CCSER1: variants seen among roughly 807,000 people sequenced by gnomAD.
CCSER1 encodes the protein serine-rich coiled-coil domain-containing protein 1.
Under a neutral mutation model 82.0 loss-of-function variants are expected in CCSER1, and 41 were observed. The observed-to-expected ratio is 0.50, with a 90% CI of 0.39 to 0.65. The LOEUF is 0.65. Ranked by LOEUF, CCSER1 falls within the 30% of genes least tolerant of loss-of-function variation. The pLI is 0.00. For synonymous variants in CCSER1, 414 were observed against 383.9 expected (o/e 1.08, Z -0.92); for missense variants, 1,119 against 1,064.2 (o/e 1.05, Z -0.72).
intron 5 of CCSER1, among the ~76,000 whole-genome samples, chr4:90,538,330 C>T (rs1311091425): frequency 6.6e-6 from 1 of 152,004 alleles, no homozygotes; most frequent in African/African-American, 2.4e-5. Context: ...TAGAATTTAA[C>T]TTTTAATTTA....
At chr4:90,908,801 T>A (rs1020592855) in intron 8 of CCSER1, among the ~76,000 whole-genome samples, 1 of 152,132 alleles carries the variant, frequency 6.6e-6, no homozygotes, top group East Asian at 1.9e-4. Flanking sequence ...ACTGATGTGA[T>A]CCAAATTACA....
intron 9 of CCSER1, among the ~76,000 whole-genome samples, chr4:91,053,068 A>G (rs1050074320): frequency 2.0e-5 from 3 of 152,172 alleles, no homozygotes; most frequent in African/African-American, 7.2e-5. Flanking sequence ...ACTAAACAAA[A>G]TAGTTTTCAA....
intron 10 of CCSER1, among the ~76,000 whole-genome samples, chr4:91,243,579 C>T (rs975510921): frequency 3.3e-4 from 50 of 152,150 alleles, no homozygotes; most frequent in African/African-American, 1.1e-3. Context: ...ACCAGCTCAG[C>T]GGTAGTAGGA....
chr4:91,504,034 A>T (rs1759357897), intron 10 of CCSER1, among the ~76,000 whole-genome samples: 1 of 152,170 alleles, frequency 6.6e-6, no homozygotes, highest in South Asian at 2.1e-4. Flanking sequence ...TTATTTACTT[A>T]TCAATAGAAA....
At chr4:90,538,611 T>A (rs1775719650) in intron 5 of CCSER1, among the ~76,000 whole-genome samples, 1 of 152,144 alleles carries the variant, frequency 6.6e-6, no homozygotes, top group Admixed American at 6.5e-5. Context: ...TTTTGTAGCA[T>A]GATATACTGT....
intron 10 of CCSER1, among the ~76,000 whole-genome samples, chr4:91,393,704 A>C (rs530195346): frequency 2.0e-5 from 3 of 152,056 alleles, no homozygotes; most frequent in African/African-American, 7.2e-5. Flanking sequence ...TGCTGTATCT[A>C]ATTTCTTTTT....
chr4:90,646,019 T>C (rs764858200), intron 6 of CCSER1, among the ~76,000 whole-genome samples: 4 of 152,290 alleles, frequency 2.6e-5, no homozygotes, highest in Non-Finnish European at 4.4e-5. Context: ...GTCAAAGTTA[T>C]ATTTCTTTTT....
chr4:90,742,662 A>G (rs1035982586), intron 7 of CCSER1, among the ~76,000 whole-genome samples: 1 of 152,144 alleles, frequency 6.6e-6, no homozygotes, highest in Non-Finnish European at 1.5e-5. Flanking sequence ...CACCCAGTTA[A>G]TGGTACCATG....
intron 9 of CCSER1, among the ~76,000 whole-genome samples, chr4:90,980,670 G>A (rs1736030351): frequency 6.6e-6 from 1 of 151,640 alleles, no homozygotes; most frequent in African/African-American, 2.4e-5. Flanking sequence ...GATGAAGGGA[G>A]TGTGGCAGGG....
chr4:91,017,811 TTGTGTGTGTGTGTGTGTG>T (rs34719158), intron 9 of CCSER1, among the ~76,000 whole-genome samples: 1 of 144,010 alleles, frequency 6.9e-6, no homozygotes, highest in South Asian at 2.2e-4. Flanking sequence ...GGTTTTTAAA[TTGTGTGTGTGTGTGTGTG>T]TGTGTGTGTG....
chr4:91,414,559 A>T (rs1753242141), intron 10 of CCSER1, among the ~76,000 whole-genome samples: 1 of 152,158 alleles, frequency 6.6e-6, no homozygotes, highest in South Asian at 2.1e-4. Flanking sequence ...TAGTAAGACT[A>T]TGCCTATTTA....
rs116944108 is a variant in CCSER1, at chr4:90,827,086, C to G, written c.2094+11241C>G. Among the ~76,000 whole-genome samples the G allele has an allele frequency of 5.6e-4, 85 of 152,268 alleles. 1 individual carries two copies. The East Asian group carries it at 0.016, about 28-fold the overall frequency. On this transcript the variant is annotated intron_variant, in intron 8 of 10. Coordinates refer to ENST00000509176, the MANE Select transcript of CCSER1 (RefSeq NM_001145065.2). ...AAATCAACTTCTCAGCTCCTGAGAG[C>G]TGGAAAGTCACAGATAGAAGGCTAC...
chr4:90,247,196 A>C (rs1454410357), intron 1 of CCSER1, among the ~76,000 whole-genome samples: 1 of 152,192 alleles, frequency 6.6e-6, no homozygotes, highest in Non-Finnish European at 1.5e-5. Context: ...TATTCAAGTT[A>C]ATATTTTTAG....
At chr4:90,185,064 T>C (rs529240621) in intron 1 of CCSER1, among the ~76,000 whole-genome samples, 2 of 152,176 alleles carry the variant, frequency 1.3e-5, no homozygotes, top group East Asian at 1.9e-4. Flanking sequence ...AGTATTCCCA[T>C]CAGTGTCACT....
chr4:90,890,948 T>G (rs759983639), intron 8 of CCSER1, among the ~76,000 whole-genome samples: 3 of 152,114 alleles, frequency 2.0e-5, no homozygotes, highest in Non-Finnish European at 4.4e-5. Context: ...GTAAAACAAG[T>G]CAATGTAAAT....
intron 7 of CCSER1, among the ~76,000 whole-genome samples, chr4:90,752,599 C>T (rs925475687): frequency 6.6e-6 from 1 of 151,984 alleles, no homozygotes; most frequent in Non-Finnish European, 1.5e-5. Flanking sequence ...GAGGTGAAAG[C>T]GTTCGAGTTT....
intron 1 of CCSER1, among the ~76,000 whole-genome samples, chr4:90,158,305 T>C (rs1728707323): frequency 6.6e-6 from 1 of 152,158 alleles, no homozygotes; most frequent in African/African-American, 2.4e-5. Context: ...GCCTCCCAGT[T>C]AGGCTGCTCG....
At chr4:90,974,437 T>C (rs1735416518) in intron 9 of CCSER1, among the ~76,000 whole-genome samples, 1 of 148,182 alleles carries the variant, frequency 6.7e-6, no homozygotes, top group African/African-American at 2.5e-5. Context: ...TCAATAAAGC[T>C]GGGAGAATTG....
intron 10 of CCSER1, among the ~76,000 whole-genome samples, chr4:91,471,677 T>C (rs990448008): frequency 3.3e-5 from 5 of 152,094 alleles, no homozygotes; most frequent in African/African-American, 9.7e-5. Flanking sequence ...CATTAAGCCT[T>C]TGCCTGTAGG....
Sources: allele counts gnomAD v4.1 joint callset (sites outside exome capture counted in the v4.1 genomes callset), GRCh38; gene constraint gnomAD v4.1.1; transcripts MANE v1.5; gene names NCBI Gene and HGNC (gene_info 2026-07-23, HGNC 2026-07-21).